GALNTL6: variants seen among roughly 807,000 people sequenced by gnomAD.
GALNTL6 encodes polypeptide N-acetylgalactosaminyltransferase-like 6.
A neutral mutation model predicts 73.7 loss-of-function variants in GALNTL6; 46 were observed. That is an observed-to-expected ratio of 0.62 (90% CI 0.49 to 0.80). The LOEUF (loss-of-function observed/expected upper bound fraction) is 0.80, where lower values mean the gene tolerates loss of function less well. Ranked by LOEUF, GALNTL6 falls within the 30% of genes least tolerant of loss-of-function variation. GALNTL6 has a pLI of 0.00. For synonymous variants in GALNTL6, 259 were observed against 263.7 expected (o/e 0.98, Z 0.17); for missense variants, 604 against 755.0 (o/e 0.80, Z 2.34).
intron 5 of GALNTL6, among the ~76,000 whole-genome samples, chr4:172,591,723 A>G (rs531095059): frequency 1.8e-4 from 27 of 152,246 alleles, no homozygotes; most frequent in East Asian, 3.9e-4. Flanking sequence ...TTGTGACTCC[A>G]TCATCTTCAT....
chr4:172,050,278 A>T (rs2110856671), intron 2 of GALNTL6, among the ~76,000 whole-genome samples: 1 of 152,276 alleles, frequency 6.6e-6, no homozygotes, highest in African/African-American at 2.4e-5. Flanking sequence ...CTTTAGTCCC[A>T]ACTTCCCCAA....
chr4:172,179,977 G>A (rs1243276304), intron 2 of GALNTL6, among the ~76,000 whole-genome samples: 3 of 152,148 alleles, frequency 2.0e-5, no homozygotes, highest in African/African-American at 4.8e-5. Context: ...GTGATTGCTA[G>A]GTCAAATGGT....
chr4:172,096,634 A>C (rs1732367007), intron 2 of GALNTL6, among the ~76,000 whole-genome samples: 1 of 151,932 alleles, frequency 6.6e-6, no homozygotes, highest in African/African-American at 2.4e-5. Flanking sequence ...TTTGATCCAC[A>C]AATAATTAAT....
intron 5 of GALNTL6, among the ~76,000 whole-genome samples, chr4:172,465,604 G>T (rs1006015340): frequency 1.3e-5 from 2 of 152,058 alleles, no homozygotes; most frequent in African/African-American, 4.8e-5. Flanking sequence ...AGGAATCCTG[G>T]CATGAATATG....
chr4:172,432,698 A>G (rs769396517), intron 5 of GALNTL6, among the ~76,000 whole-genome samples: 5 of 152,164 alleles, frequency 3.3e-5, no homozygotes, highest in Non-Finnish European at 5.9e-5. Context: ...AGTTGAATTT[A>G]TAGGTATGTA....
chr4:172,718,654 A>G (rs911282142), intron 5 of GALNTL6, among the ~76,000 whole-genome samples: 1 of 151,998 alleles, frequency 6.6e-6, no homozygotes, highest in Admixed American at 6.6e-5. Context: ...ACAAAAAAAA[A>G]ATCATCTGTA....
At chr4:172,120,460 T>C (rs1460584196) in intron 2 of GALNTL6, among the ~76,000 whole-genome samples, 2 of 152,140 alleles carry the variant, frequency 1.3e-5, no homozygotes, top group Non-Finnish European at 2.9e-5. Context: ...ATCCCTTTTT[T>C]TTCTCATATA....
At chr4:172,341,309 G>C (rs1741552420) in intron 4 of GALNTL6, among the ~76,000 whole-genome samples, 3 of 150,706 alleles carry the variant, frequency 2.0e-5, no homozygotes, top group African/African-American at 7.3e-5. Context: ...AAATTAGCCG[G>C]GCGTAGTGGC....
At chr4:172,181,141 C>T (rs1227231199) in intron 2 of GALNTL6, among the ~76,000 whole-genome samples, 2 of 151,996 alleles carry the variant, frequency 1.3e-5, no homozygotes, top group African/African-American at 4.8e-5. Flanking sequence ...ATCTTGATAC[C>T]AAAACCTGGC....
chr4:172,800,289 G>C (rs1259815497), intron 5 of GALNTL6, among the ~76,000 whole-genome samples: 2 of 152,082 alleles, frequency 1.3e-5, no homozygotes, highest in African/African-American at 4.8e-5. Flanking sequence ...CAACAACAAA[G>C]AAAAACTGAA....
At chr4:172,785,904 G>C (rs1056652810) in intron 5 of GALNTL6, among the ~76,000 whole-genome samples, 2 of 152,028 alleles carry the variant, frequency 1.3e-5, no homozygotes, top group Non-Finnish European at 2.9e-5. Context: ...TTCCAGTTGA[G>C]GAAACTTTAG....
chr4:172,086,998 G>C (rs115854918), intron 2 of GALNTL6, among the ~76,000 whole-genome samples: 1 of 152,198 alleles, frequency 6.6e-6, no homozygotes, highest in African/African-American at 2.4e-5. Context: ...TCCCTCTTCT[G>C]TCTCCTGCTA....
chr4:172,015,016 T>C (rs1269084789), intron 2 of GALNTL6, among the ~76,000 whole-genome samples: 2 of 152,094 alleles, frequency 1.3e-5, no homozygotes, highest in East Asian at 3.9e-4. Flanking sequence ...ATGAAAGGAA[T>C]GTATAATCTG....
intron 5 of GALNTL6, among the ~76,000 whole-genome samples, chr4:172,634,199 T>C (rs1308578702): frequency 3.9e-5 from 6 of 152,192 alleles, no homozygotes; most frequent in Non-Finnish European, 8.8e-5. Context: ...AAATTATTCA[T>C]GTTATGCTTC....
chr4:172,365,960 A>G (rs1348760728), intron 5 of GALNTL6, among the ~76,000 whole-genome samples: 2 of 152,184 alleles, frequency 1.3e-5, no homozygotes, highest in African/African-American at 2.4e-5. Flanking sequence ...AAAAGCAGCA[A>G]TTCATCTGCA....
At chr4:172,597,177 G>A (rs78292514) in intron 5 of GALNTL6, among the ~76,000 whole-genome samples, 2,783 of 152,236 alleles carry the variant, frequency 0.018, 83 homozygotes, top group African/African-American at 0.062. Context: ...CTTATGAGCT[G>A]GAGTCACAAA....
chr4:171,970,272 C>A (rs1005949400), intron 2 of GALNTL6, among the ~76,000 whole-genome samples: 1 of 152,276 alleles, frequency 6.6e-6, no homozygotes, highest in South Asian at 2.1e-4. Flanking sequence ...TTAAATACTA[C>A]CTACTGTAAA....
intron 5 of GALNTL6, among the ~76,000 whole-genome samples, chr4:172,769,385 TG>T (rs1400429695): frequency 2.6e-4 from 39 of 152,258 alleles, no homozygotes; most frequent in African/African-American, 6.7e-4. Flanking sequence ...CAAGAGGACT[TG>T]GCAATTGCAA....
At chr4:172,842,084 A>T (rs768944070) in intron 7 of GALNTL6, among the ~76,000 whole-genome samples, 5 of 152,186 alleles carry the variant, frequency 3.3e-5, no homozygotes, top group African/African-American at 4.8e-5. Flanking sequence ...GGATGAAGTG[A>T]CTTACTCAAG....
Sources: allele counts gnomAD v4.1 joint callset (sites outside exome capture counted in the v4.1 genomes callset), GRCh38; gene constraint gnomAD v4.1.1; transcripts MANE v1.5; gene names NCBI Gene and HGNC (gene_info 2026-07-23, HGNC 2026-07-21).